Variants in RASGRF2 observed in about 807,000 individuals in gnomAD.
RASGRF2 encodes ras-specific guanine nucleotide-releasing factor 2.
RASGRF2 carries 76 observed loss-of-function variants against 151.0 expected under a neutral mutation model. That is an observed-to-expected ratio of 0.50 (90% confidence interval 0.42 to 0.61). RASGRF2 has a LOEUF of 0.61. RASGRF2 is among the 20% of genes least tolerant of loss of function. The pLI, the probability that RASGRF2 is intolerant of heterozygous loss-of-function variation, is 0.00. For synonymous variants in RASGRF2, 504 were observed against 566.5 expected, an observed-to-expected ratio of 0.89 and a Z score of 1.57; for missense variants, 1,148 against 1,564.6, an observed-to-expected ratio of 0.73 and a Z score of 4.49.
intron 2 of RASGRF2, 136 bp from the exon 3 acceptor site, chr5:81,067,896 A>T (rs1243947123): frequency 1.5e-6 from 1 of 661,738 alleles, no homozygotes; most frequent in African/African-American, 1.9e-5. Context: ...CTGAAAGTTA[A>T]CATTTATGTC....
intron 1 of RASGRF2, among the ~76,000 whole-genome samples, chr5:81,008,312 G>A (rs1024757133): frequency 5.9e-5 from 9 of 151,748 alleles, no homozygotes; most frequent in African/African-American, 1.7e-4. Flanking sequence ...CACCACGCCC[G>A]GCTAATTTTT....
In RASGRF2 at chr5:81,207,318, G is replaced by T. The variant is rs773411083; in HGVS notation, c.3040G>T (p.Asp1014Tyr). The change falls in exon 21 of 27, where the codon GAC (aspartate) becomes TAC (tyrosine). Residue 1014 changes from aspartate (D) to tyrosine (Y), a missense_variant. Physicochemically the swap from Asp to Tyr is radical, Grantham distance 160. Transcript: ENST00000265080. The stretch of plus-strand genomic sequence containing the variant: ...GCTGGCAGAACAGATCACCCTCCTG[G>T]ACCATGTCATTTTCAGAAGCATTCC... ...MELAEQITLL[D>Y]HVIFRSIPYE... The T allele has an allele frequency of 6.2e-7, 1 of 1,614,092 alleles. No homozygotes were observed. Among genetic ancestry groups the T allele is most frequent in the Non-Finnish European group, 8.5e-7 (1 of 1,180,016 alleles).
At chr5:81,125,783 T>A (rs56698340) in intron 16 of RASGRF2, among the ~76,000 whole-genome samples, 4,620 of 152,354 alleles carry the variant, frequency 0.03, 246 homozygotes, top group African/African-American at 0.1. Flanking sequence ...TGTTTGTGGA[T>A]TAACTAAGCC....
chr5:81,146,195 G>C (rs1188694634), intron 17 of RASGRF2, among the ~76,000 whole-genome samples: 3 of 152,172 alleles, frequency 2.0e-5, no homozygotes, highest in South Asian at 2.1e-4. Flanking sequence ...CTGTTTGAGA[G>C]CCTAGAGCAG....
chr5:81,062,811 T>C (rs1271439308), intron 2 of RASGRF2, among the ~76,000 whole-genome samples: 1 of 152,228 alleles, frequency 6.6e-6, no homozygotes, highest in Non-Finnish European at 1.5e-5. Context: ...GTCATTTTAT[T>C]GTCTTTGATT....
intron 22 of RASGRF2, among the ~76,000 whole-genome samples, chr5:81,208,642 C>G (rs1340763509): frequency 3.5e-5 from 5 of 143,246 alleles, no homozygotes; most frequent in Admixed American, 7.2e-5. Flanking sequence ...ACCTCCACCT[C>G]CCTGGTTCAA....
chr5:81,205,114 C>T (rs1755476057), intron 19 of RASGRF2, among the ~76,000 whole-genome samples: 1 of 152,120 alleles, frequency 6.6e-6, no homozygotes. Flanking sequence ...TTATTTTTTC[C>T]TCATCTTAAT....
At chr5:80,991,012 A>G (rs1459851334) in intron 1 of RASGRF2, among the ~76,000 whole-genome samples, 1 of 152,204 alleles carries the variant, frequency 6.6e-6, no homozygotes, top group East Asian at 1.9e-4. Flanking sequence ...ATCACTGTAG[A>G]TGTCTGGGAC....
At chr5:81,076,766 T>G (rs946830926) in intron 5 of RASGRF2, among the ~76,000 whole-genome samples, 1 of 152,152 alleles carries the variant, frequency 6.6e-6, no homozygotes, top group African/African-American at 2.4e-5. Context: ...TGTGGAATAG[T>G]GATAACTAGG....
intron 26 of RASGRF2, among the ~76,000 whole-genome samples, chr5:81,220,158 A>G (rs1345828084): frequency 6.6e-6 from 1 of 152,174 alleles, no homozygotes; most frequent in African/African-American, 2.4e-5. Context: ...CCCTTACATA[A>G]AACATTTTCC....
chr5:81,094,356 G>T lies in RASGRF2; in HGVS notation c.1612G>T (p.Asp538Tyr). 6.2e-7 allele frequency: 1 copy of T among 1,612,334 alleles called. No individual in the cohort carries two copies. The highest frequency in any genetic ancestry group is 8.5e-7 in the Non-Finnish European group (1 of 1,179,280). The change falls in exon 11 of 27, where the codon GAT (aspartate) becomes TAT (tyrosine). Residue 538 changes from aspartate to tyrosine, a missense_variant. Around this residue, in one of 5 missense-constraint regions of RASGRF2, gnomAD observed 646 missense variants for 807.4 expected, o/e 0.80. Coordinates refer to ENST00000265080, the MANE Select transcript of RASGRF2 (RefSeq NM_006909.3). ...GATTGAGGAGCCAGATGCAAGCGAT[G>T]ATGACTGTAAGTCACCTTCGATCAC... is the stretch of plus-strand genomic sequence containing the variant. The part of the protein sequence containing the change: ...TLIEEPDASD[D>Y]DSKGSGQVFG...
chr5:81,030,205 A>G (rs1263714392), intron 1 of RASGRF2, among the ~76,000 whole-genome samples: 1 of 152,234 alleles, frequency 6.6e-6, no homozygotes, highest in Non-Finnish European at 1.5e-5. Flanking sequence ...GGGAGAATGG[A>G]ACCAAGTTGG....
chr5:81,091,645 G>C (rs1313004063), intron 9 of RASGRF2, among the ~76,000 whole-genome samples: 3 of 151,614 alleles, frequency 2.0e-5, no homozygotes, highest in South Asian at 2.1e-4. Context: ...TGAACATTTT[G>C]TGACTCACAA....
chr5:81,031,362 A>G (rs961405248), intron 1 of RASGRF2, among the ~76,000 whole-genome samples: 1 of 152,204 alleles, frequency 6.6e-6, no homozygotes, highest in African/African-American at 2.4e-5. Flanking sequence ...TCTCAGCACC[A>G]CTTAACACAT....
chr5:81,031,969 T>A (rs1357996644), intron 1 of RASGRF2, among the ~76,000 whole-genome samples: 1 of 151,876 alleles, frequency 6.6e-6, no homozygotes, highest in Non-Finnish European at 1.5e-5. Context: ...AAAGGGGATA[T>A]CACCACCGAT....
intron 1 of RASGRF2, among the ~76,000 whole-genome samples, chr5:81,002,039 G>GT (rs747295663): frequency 4.6e-5 from 7 of 152,202 alleles, no homozygotes; most frequent in Non-Finnish European, 1.0e-4. Context: ...TATCACTGTA[G>GT]TTTTTTAGCA....
rs536760463 is a variant in RASGRF2 at position 81,027,542 on chromosome 5, A to G, written c.289-15335A>G. Among the ~76,000 whole-genome samples, 76 of 152,316 alleles carry G rather than the reference A, an allele frequency of 5.0e-4. No homozygotes were observed. The Middle Eastern group carries it at 0.014, about 27-fold the overall frequency. ...AGTTCTTTGAAGAAGCATTTAAGCC[A>G]TTTGTTTTGGTAGTTACAGTTAAGA... On this transcript the variant is annotated intron_variant, in intron 1 of 26. Coordinates refer to ENST00000265080, the MANE Select transcript of RASGRF2 (RefSeq NM_006909.3).
At chr5:81,007,790 G>A (rs891077122) in intron 1 of RASGRF2, among the ~76,000 whole-genome samples, 3 of 152,106 alleles carry the variant, frequency 2.0e-5, no homozygotes, top group Non-Finnish European at 4.4e-5. Flanking sequence ...CTTCAAAGGA[G>A]TGACCTCATC....
intron 17 of RASGRF2, among the ~76,000 whole-genome samples, chr5:81,131,730 T>C (rs2112581457): frequency 6.6e-6 from 1 of 151,746 alleles, no homozygotes; most frequent in East Asian, 1.9e-4. Context: ...CAAAATTGGA[T>C]GAGTCTTTTC....
Sources: allele counts gnomAD v4.1 joint callset (sites outside exome capture counted in the v4.1 genomes callset), GRCh38; gene constraint gnomAD v4.1.1; regional missense constraint gnomAD v4.1.1; transcripts MANE v1.5; gene names NCBI Gene and HGNC (gene_info 2026-07-23, HGNC 2026-07-21).